Variants in FHIT observed in about 807,000 individuals in gnomAD.
FHIT encodes the protein fragile histidine triad diadenosine triphosphatase.
Under a neutral mutation model 17.9 loss-of-function variants are expected in FHIT, and 19 were observed. The ratio of observed to expected loss-of-function variants is 1.06; its 90% CI spans 0.74 to 1.56. FHIT has a LOEUF of 1.56. Ranked by LOEUF, FHIT falls within the 40% of genes most tolerant of loss-of-function variation. The pLI, the probability that FHIT is intolerant of heterozygous loss-of-function variation, is 0.00. For synonymous variants in FHIT, 81 were observed against 69.7 expected, an observed-to-expected ratio of 1.16 and a Z score of -0.81; for missense variants, 248 against 189.2, an observed-to-expected ratio of 1.31 and a Z score of -1.82.
At chr3:60,013,804 A>G (rs1001751496) in intron 6 of FHIT, among the ~76,000 whole-genome samples, 4 of 152,162 alleles carry the variant, frequency 2.6e-5, no homozygotes, top group Non-Finnish European at 4.4e-5. Context: ...CAAGCCTCAG[A>G]CATCACCTTA....
intron 8 of FHIT, among the ~76,000 whole-genome samples, chr3:59,860,457 T>G (rs1207795102): frequency 6.6e-6 from 1 of 152,168 alleles, no homozygotes; most frequent in Non-Finnish European, 1.5e-5. Flanking sequence ...AAGAAGGATG[T>G]TGGAGAAAAG....
intron 5 of FHIT, among the ~76,000 whole-genome samples, chr3:60,057,034 C>A (rs752665254): frequency 1.4e-4 from 21 of 152,182 alleles, no homozygotes; most frequent in Middle Eastern, 6.8e-3. Flanking sequence ...CTCCCACACT[C>A]CAAGAGGAAC....
chr3:60,690,308 T>C, intron 4 of FHIT: 1 of 561,350 alleles, frequency 1.8e-6, no homozygotes, highest in East Asian at 4.5e-5. Flanking sequence ...GCCTCCACAA[T>C]ATCCATGCCT....
At chr3:60,133,140 G>C (rs1380364467) in intron 5 of FHIT, among the ~76,000 whole-genome samples, 2 of 152,038 alleles carry the variant, frequency 1.3e-5, no homozygotes, top group Non-Finnish European at 2.9e-5. Flanking sequence ...CATCTTTCAC[G>C]GCTCTTAAAA....
rs868958834 is a variant in FHIT, at chr3:60,576,316, A to T, written c.-17-39337T>A. 1.4e-4 allele frequency among the ~76,000 whole-genome samples: 21 copies of T among 152,062 alleles called. No individual in the cohort carries two copies. The South Asian group carries it at 2.7e-3, about 20-fold the overall frequency. ...GATAAGGAGGTGGAAAATATGAGAG[A>T]AACGTCAGGAAGCACAGAAGAGGGG... is the stretch of plus-strand genomic sequence containing the variant. On this transcript the variant is annotated intron_variant, in intron 4 of 9. Coordinates refer to ENST00000492590, the MANE Select transcript of FHIT (RefSeq NM_002012.4).
At chr3:60,483,264 G>T (rs141129971) in intron 5 of FHIT, among the ~76,000 whole-genome samples, 120 of 152,296 alleles carry the variant, frequency 7.9e-4, no homozygotes, top group Non-Finnish European at 1.4e-3. Context: ...AGAGGAACTG[G>T]TGTCATTCCT....
intron 5 of FHIT, chr3:60,536,658 C>T (rs1440998169): frequency 4.2e-6 from 2 of 476,608 alleles, no homozygotes; most frequent in Non-Finnish European, 7.0e-6. Flanking sequence ...CAACATTGAT[C>T]AAGCATATTA....
At chr3:60,627,877 TAGTC>T (rs1487438650) in intron 4 of FHIT, among the ~76,000 whole-genome samples, 2 of 152,190 alleles carry the variant, frequency 1.3e-5, no homozygotes, top group Non-Finnish European at 1.5e-5. Context: ...CTTTCCTGCT[TAGTC>T]AGTCTAGGTA....
At chr3:60,932,114 A>ATGG (rs1707983958) in intron 3 of FHIT, among the ~76,000 whole-genome samples, 1 of 152,226 alleles carries the variant, frequency 6.6e-6, no homozygotes, top group South Asian at 2.1e-4. Context: ...AGAAGTTGAT[A>ATGG]TGGTCCACTG....
At chr3:60,684,417 C>G (rs1355115787) in intron 4 of FHIT, among the ~76,000 whole-genome samples, 2 of 152,054 alleles carry the variant, frequency 1.3e-5, no homozygotes, top group African/African-American at 4.8e-5. Context: ...GCACACTCAC[C>G]GAAGGCCACA....
intron 8 of FHIT, among the ~76,000 whole-genome samples, chr3:59,770,101 AG>A (rs1464510336): frequency 6.6e-6 from 1 of 152,214 alleles, no homozygotes; most frequent in African/African-American, 2.4e-5. Flanking sequence ...GAGAAAGGTC[AG>A]CTTCTGGTTG....
At chr3:59,991,304 T>C (rs954488825) in intron 7 of FHIT, among the ~76,000 whole-genome samples, 11 of 152,096 alleles carry the variant, frequency 7.2e-5, no homozygotes, top group Admixed American at 3.9e-4. Flanking sequence ...AGTGATATTT[T>C]GGTATTTAGA....
chr3:60,551,306 A>C (rs1217479253), intron 4 of FHIT, among the ~76,000 whole-genome samples: 1 of 149,908 alleles, frequency 6.7e-6, no homozygotes, highest in African/African-American at 2.5e-5. Flanking sequence ...TTTGACTTTC[A>C]AAAAAAGATT....
At chr3:60,619,236 C>T (rs2856042) in intron 4 of FHIT, among the ~76,000 whole-genome samples, 74,423 of 151,926 alleles carry the variant, frequency 0.49, 18,479 homozygotes, top group East Asian at 0.56. Flanking sequence ...TCGTTGTTTA[C>T]AATAAAGTCC....
chr3:60,538,884 A>G (rs2036082296), intron 4 of FHIT, among the ~76,000 whole-genome samples: 1 of 152,118 alleles, frequency 6.6e-6, no homozygotes, highest in African/African-American at 2.4e-5. Flanking sequence ...GGCATGGGCA[A>G]GGACTTCATG....
At chr3:60,808,912 A>G (rs1363952812) in intron 4 of FHIT, among the ~76,000 whole-genome samples, 1 of 152,214 alleles carries the variant, frequency 6.6e-6, no homozygotes, top group Non-Finnish European at 1.5e-5. Flanking sequence ...GTCCAAACCA[A>G]TGGACTTCTA....
At chr3:60,897,767 T>C (rs1705906149) in intron 3 of FHIT, among the ~76,000 whole-genome samples, 2 of 152,148 alleles carry the variant, frequency 1.3e-5, no homozygotes, top group Admixed American at 6.6e-5. Context: ...CCAGCTTCAC[T>C]AGAGAGCTGT....
Position 60,156,197 on chromosome 3 carries a change from C to G in FHIT, c.104-142045G>C, listed in dbSNP as rs536600969. Among the ~76,000 whole-genome samples, 7 of 151,524 alleles carry G rather than the reference C, an allele frequency of 4.6e-5. No homozygotes were observed. The East Asian group carries it at 7.9e-4, about 17-fold the overall frequency. On this transcript the variant is annotated intron_variant, in intron 5 of 9. Coordinates refer to ENST00000492590, the MANE Select transcript of FHIT (RefSeq NM_002012.4). ...TGAAACCCCTTCTCTACTAAAAATACAAAAATTAGCAGGGCGTGGTGATGC... is the reference window on the plus strand; with the variant it reads ...TGAAACCCCTTCTCTACTAAAAATAGAAAAATTAGCAGGGCGTGGTGATGC...
chr3:60,767,506 G>A (rs186311070), intron 4 of FHIT, among the ~76,000 whole-genome samples: 1 of 152,332 alleles, frequency 6.6e-6, no homozygotes, highest in East Asian at 1.9e-4. Context: ...AGTGATGGAA[G>A]TGAGATTCTA....
Sources: gnomAD v4.1 joint callset for allele counts (sites outside exome capture counted in the v4.1 genomes callset) on GRCh38, gnomAD v4.1.1 for gene constraint, MANE v1.5 for transcripts, NCBI Gene and HGNC (gene_info 2026-07-23, HGNC 2026-07-21) for gene names.